ADCY6: variants seen among roughly 807,000 people sequenced by gnomAD.
ADCY6 encodes adenylate cyclase 6, also known as adenylate cyclase type 6.
Under a neutral mutation model 111.6 loss-of-function variants are expected in ADCY6, and 59 were observed. The ratio of observed to expected loss-of-function variants is 0.53; its 90% CI spans 0.43 to 0.66. The LOEUF is 0.66. Among genes scored for constraint, ADCY6 ranks in the 30% least tolerant of loss-of-function variants. ADCY6 has a pLI of 0.00. For missense variants in ADCY6, 1,242 were observed against 1,595.6 expected, an observed-to-expected ratio of 0.78 and a Z score of 3.78; for synonymous variants, 576 against 642.9, an observed-to-expected ratio of 0.90 and a Z score of 1.57.
intron 10 of ADCY6, 57 bp downstream of exon 10, chr12:48,775,616 C>G: frequency 6.3e-7 from 1 of 1,593,956 alleles, no homozygotes; most frequent in Non-Finnish European, 8.6e-7. Flanking sequence ...ATCTCGGCTC[C>G]CCCCAGCCCC....
In ADCY6 at chr12:48,769,035, C is replaced by G; in HGVS notation, c.3283G>C (p.Gly1095Arg). 3 of 1,613,234 alleles carry G rather than the reference C, an allele frequency of 1.9e-6. No individual in the cohort carries two copies. Among genetic ancestry groups the G allele is most frequent in the Non-Finnish European group, 2.5e-6 (3 of 1,179,604 alleles). The change falls in exon 21 of 22, where the codon GGT (glycine) becomes CGT (arginine). Residue 1095 changes from glycine (G) to arginine (R), a missense_variant. Around this residue, in one of 4 missense-constraint regions of ADCY6, gnomAD observed 245 missense variants for 371.3 expected, o/e 0.66. Transcript: ENST00000357869. Reference sequence around the variant, plus strand: ...TGTGGCTTCCGAGCCCCGATGACACCTGCCACGACTGGGCCCATGTTCAGC... The same window carrying G: ...TGTGGCTTCCGAGCCCCGATGACACGTGCCACGACTGGGCCCATGTTCAGC... The part of the protein sequence containing the change: ...IGLNMGPVVA[G>R]VIGARKPQYD...
chr12:48,786,943 T>C (rs1839638796), intron 1 of ADCY6, among the ~76,000 whole-genome samples: 1 of 152,244 alleles, frequency 6.6e-6, no homozygotes, highest in South Asian at 2.1e-4. Flanking sequence ...AATCTAATAA[T>C]GCCTGTCAAG....
At chr12:48,774,597 A>G in intron 13 of ADCY6, 79 bp from the exon 14 acceptor site, 1 of 1,566,336 alleles carries the variant, frequency 6.4e-7, no homozygotes, top group Non-Finnish European at 8.8e-7. Flanking sequence ...GCCCAGTGGA[A>G]GAGGCATGGC....
At chr12:48,770,720 T>A (rs1466581665) in intron 20 of ADCY6, 46 bp downstream of exon 20, 1 of 1,586,566 alleles carries the variant, frequency 6.3e-7, no homozygotes, top group Admixed American at 1.7e-5. Context: ...CAGCTTCACC[T>A]GGAAAAAGTC....
At chr12:48,769,774 T>G (rs1941480041) in intron 20 of ADCY6, among the ~76,000 whole-genome samples, 1 of 149,688 alleles carries the variant, frequency 6.7e-6, no homozygotes, top group African/African-American at 2.5e-5. Flanking sequence ...TTTTTTTTTT[T>G]TGGGGGGGAC....
rs745767684 is a variant in ADCY6, at chr12:48,777,097, T to A, written c.1376+7A>T. The A allele has an allele frequency of 6.3e-7, 1 of 1,589,626 alleles. No homozygotes were observed. The highest frequency in any genetic ancestry group is 2.2e-5 in the East Asian group (1 of 44,632). ...TCCAGGAAGCCTAGGAATGGGGCAC[T>A]GCTTACGAGATGGCCTCAATCATGT... On this transcript the variant is annotated splice_region_variant and intron_variant, in intron 6 of 21. Coordinates refer to ENST00000357869, the MANE Select transcript of ADCY6 (RefSeq NM_015270.5). This position sits in a 1 kb window ranked among gnomAD's most constrained non-coding sequence, Gnocchi z 4.9.
At position 48,772,542 on chromosome 12, in the gene ADCY6, C is replaced by A; in HGVS notation, c.2623G>T (p.Ala875Ser). 1.9e-6 allele frequency: 3 copies of A among 1,614,162 alleles called. No individual in the cohort carries two copies. Among genetic ancestry groups the A allele is most frequent in the Non-Finnish European group, 8.5e-7 (1 of 1,180,030 alleles). ...CCATCAAAGGTCTCATTGGAAGAAG[C>A]CCTGGTAAGAAGATAGAAGAGACAA... Reference protein sequence around the residue: ...YDLLLGVHGLASSNETFDGLD... With the variant: ...YDLLLGVHGLSSSNETFDGLD... The change falls in exon 17 of 22, where the codon GCT (alanine) becomes TCT (serine). Residue 875 changes from alanine to serine, a missense_variant and splice_region_variant. Ala to Ser is a moderately conservative substitution (Grantham distance 99). This residue lies in a region of ADCY6 where 375 missense variants were observed against 432.5 expected (regional missense o/e 0.87). Transcript: ENST00000357869.
At chr12:48,774,191 C>T in intron 14 of ADCY6, 93 bp from the exon 15 acceptor site, 2 of 1,281,796 alleles carry the variant, frequency 1.6e-6, no homozygotes, top group East Asian at 5.0e-5. Context: ...GGGCTATGCC[C>T]AGGTACCTTA....
rs139226708 is a variant in ADCY6, at chr12:48,772,532, T to C, written c.2633A>G (p.Asn878Ser). Residue 878 changes from asparagine (N) to serine (S), a missense_variant, in exon 17 of 22, where the codon AAT becomes AGT. By Grantham distance (46) the Asn-to-Ser change is conservative. Transcript: ENST00000357869. The stretch of plus-strand genomic sequence containing the variant: ...CCAGTCCAGCCCATCAAAGGTCTCA[T>C]TGGAAGAAGCCCTGGTAAGAAGATA... Reference protein sequence around the residue: ...LLGVHGLASSNETFDGLDCPA... With the variant: ...LLGVHGLASSSETFDGLDCPA... 1.9e-5 allele frequency: 30 copies of C among 1,614,168 alleles called. No homozygotes were observed. In the African/African-American group the frequency reaches 2.4e-4, roughly 13 times the overall value.
rs879414384 is a variant in ADCY6 at position 48,779,948 on chromosome 12, C to A, written c.865-1691G>T. On this transcript the variant is annotated intron_variant, in intron 2 of 21. Coordinates refer to ENST00000357869, the MANE Select transcript of ADCY6 (RefSeq NM_015270.5). ...CCAGCCTCTGGGATGGGCCTCCTAG[C>A]TTCCCTTCCCAGTCCAGCTCACAGG... 1.1e-4 allele frequency among the ~76,000 whole-genome samples: 16 copies of A among 152,190 alleles called. 1 individual carries two copies. The highest frequency in any genetic ancestry group is 8.3e-4 in the South Asian group (4 of 4,830).
At position 48,777,356 on chromosome 12, in the gene ADCY6, A is replaced by G. The variant is rs1037252981; in HGVS notation, c.1248+54T>C. 21 of 1,606,688 alleles carry G rather than the reference A, an allele frequency of 1.3e-5. No individual in the cohort carries two copies. Among genetic ancestry groups the G allele is most frequent in the South Asian group, 4.4e-5 (4 of 90,496 alleles). Reference sequence around the variant, plus strand: ...ATCCCCAGCTGCTGCCAGCAAAGCTATGCTCTCACCACGGTCAACACCCAG... The same window carrying G: ...ATCCCCAGCTGCTGCCAGCAAAGCTGTGCTCTCACCACGGTCAACACCCAG... On this transcript the variant is annotated intron_variant, in intron 5 of 21. Coordinates refer to ENST00000357869, the MANE Select transcript of ADCY6 (RefSeq NM_015270.5). The surrounding 1 kb of genome is among the most constrained non-coding windows in gnomAD (Gnocchi z 4.9).
chr12:48,782,611 G>T lies in ADCY6; in HGVS notation c.824C>A (p.Ala275Asp). The stretch of plus-strand genomic sequence containing the variant: ...GGCATCACCACGGTTAAGTTGCCAG[G>T]CCAAGATCAAATGCAAGGTGGAGAG... ...LGLSTLHLIL[A>D]WQLNRGDAFL... Residue 275 changes from alanine to aspartate, a missense_variant, in exon 2 of 22, where the codon GCC (alanine) becomes GAC (aspartate). By Grantham distance (126) the Ala-to-Asp change is moderately radical (BLOSUM62 -2). Transcript: ENST00000357869. This position sits in a 1 kb window ranked among gnomAD's most constrained non-coding sequence, Gnocchi z 4.3. 1.2e-6 allele frequency: 2 copies of T among 1,611,680 alleles called. No homozygotes were observed. Among genetic ancestry groups the T allele is most frequent in the Non-Finnish European group, 8.5e-7 (1 of 1,178,866 alleles).
At chr12:48,778,979 G>A (rs1941779330) in intron 2 of ADCY6, among the ~76,000 whole-genome samples, 1 of 132,008 alleles carries the variant, frequency 7.6e-6, no homozygotes, top group African/African-American at 2.8e-5. Flanking sequence ...CCCAGTTCAA[G>A]CGATTCTCCT....
Position 48,771,598 on chromosome 12 carries a change from C to G in ADCY6, c.3051+112G>C, listed in dbSNP as rs2137337229. On this transcript the variant is annotated intron_variant, in intron 19 of 21. Transcript: ENST00000357869. This position sits in a 1 kb window ranked among gnomAD's most constrained non-coding sequence, Gnocchi z 4.3. ...CTGTGCATACCCTTACCCCTGATGA[C>G]TCTGGGTCCCATCAAATCTCTCTCT... 4 of 1,536,156 alleles carry G rather than the reference C, an allele frequency of 2.6e-6. No homozygotes were observed. Among genetic ancestry groups the G allele is most frequent in the African/African-American group, 1.4e-5 (1 of 73,644 alleles).
chr12:48,772,137 T>C (rs1565644203), intron 18 of ADCY6, 158 bp downstream of exon 18: 4 of 1,383,492 alleles, frequency 2.9e-6, no homozygotes, highest in South Asian at 1.4e-5. Context: ...AGGTAGAGGA[T>C]GGGGCAGGGA....
Position 48,777,269 on chromosome 12 carries a change from C to T in ADCY6, c.1249-38G>A, listed in dbSNP as rs1241131295. 1.2e-6 allele frequency: 2 copies of T among 1,600,070 alleles called. No individual in the cohort carries two copies. The highest frequency in any genetic ancestry group is 1.7e-6 in the Non-Finnish European group (2 of 1,172,928). On this transcript the variant is annotated intron_variant, in intron 5 of 21. Coordinates refer to ENST00000357869, the MANE Select transcript of ADCY6 (RefSeq NM_015270.5). The surrounding 1 kb of genome is among the most constrained non-coding windows in gnomAD (Gnocchi z 4.9). Reference sequence around the variant, plus strand: ...GAATTGGAGGGAAGGGTAACCTTTACTCTCTTGCCCACCCAGCCTGCATGG... The same window carrying T: ...GAATTGGAGGGAAGGGTAACCTTTATTCTCTTGCCCACCCAGCCTGCATGG...
intron 1 of ADCY6, chr12:48,783,653 T>C (rs187149192): frequency 1.6e-5 from 19 of 1,211,670 alleles, no homozygotes; most frequent in Non-Finnish European, 2.1e-5. Flanking sequence ...GACAAGAAAC[T>C]TGCCCAAAAC....
Position 48,772,328 on chromosome 12 carries a change from C to A in ADCY6, c.2754G>T (p.Ser918=). 1 of 1,613,960 alleles carries A rather than the reference C, an allele frequency of 6.2e-7. No homozygotes were observed. Among genetic ancestry groups the A allele is most frequent in the South Asian group, 1.1e-5 (1 of 91,048 alleles). Residue 918 remains serine, a synonymous_variant, in exon 18 of 22, where the codon TCG becomes TCT. Coordinates refer to ENST00000357869, the MANE Select transcript of ADCY6 (RefSeq NM_015270.5). ...TCCAGAGGAAGTCTAGGCGGGCAGT[C>A]GACTCCACCTGCTGAGCATGCAGAT... The part of the protein sequence containing the change: ...ALYLHAQQVE[S]TARLDFLWKL...
chr12:48,774,129 C>T, intron 14 of ADCY6, 31 bp from the exon 15 acceptor site: 1 of 1,586,480 alleles, frequency 6.3e-7, no homozygotes, highest in Non-Finnish European at 8.6e-7. Context: ...ATCAGGGTAA[C>T]CAAGGAGGGA....
Sources: gnomAD v4.1 joint callset for allele counts (sites outside exome capture counted in the v4.1 genomes callset) on GRCh38, gnomAD v4.1.1 for gene constraint, gnomAD v4.1.1 regional missense constraint, Gnocchi (gnomAD v3.1) non-coding constraint, MANE v1.5 for transcripts, NCBI Gene and HGNC (gene_info 2026-07-23, HGNC 2026-07-21) for gene names.